Variants in EXPH5 observed in about 807,000 individuals in gnomAD.
The protein encoded by EXPH5 is exophilin-5.
EXPH5 carries 42 observed loss-of-function variants against 41.1 expected under a neutral mutation model. The ratio of observed to expected loss-of-function variants is 1.02; its 90% confidence interval spans 0.80 to 1.32. The LOEUF is 1.32. Ranked by LOEUF, EXPH5 falls within the 40% of genes most tolerant of loss-of-function variation. EXPH5 has a pLI of 0.00. For synonymous variants in EXPH5, 798 were observed against 833.5 expected (o/e 0.96, Z 0.73); for missense variants, 2,298 against 2,314.5 (o/e 0.99, Z 0.15).
rs529324863 is a variant in EXPH5, at chr11:108,571,242, C to T, written c.119+22176G>A. On this transcript the variant is annotated intron_variant, in intron 1 of 5. Coordinates refer to ENST00000265843, the MANE Select transcript of EXPH5 (RefSeq NM_015065.3). Reference sequence around the variant, plus strand: ...GGTAGAGGCAAAGCAATTACACAACCGTGGATAGACATGACCTAATTTATT... The same window carrying T: ...GGTAGAGGCAAAGCAATTACACAACTGTGGATAGACATGACCTAATTTATT... 2.6e-5 allele frequency among the ~76,000 whole-genome samples: 4 copies of T among 152,296 alleles called. 1 individual carries two copies. The South Asian group carries it at 8.3e-4, about 32-fold the overall frequency.
intron 1 of EXPH5, among the ~76,000 whole-genome samples, chr11:108,562,629 T>A (rs750246791): frequency 2.6e-5 from 4 of 151,032 alleles, no homozygotes; most frequent in Non-Finnish European, 4.4e-5. Flanking sequence ...AGAAAGAAAG[T>A]AAAATTACAT....
chr11:108,592,076 G>A (rs897116219), intron 1 of EXPH5, among the ~76,000 whole-genome samples: 2 of 152,162 alleles, frequency 1.3e-5, no homozygotes, highest in African/African-American at 4.8e-5. Flanking sequence ...TGCCTTGTGC[G>A]GTGCATGTGC....
At chr11:108,517,388 T>C (rs1355376136) in intron 5 of EXPH5, among the ~76,000 whole-genome samples, 2 of 152,226 alleles carry the variant, frequency 1.3e-5, no homozygotes, top group Non-Finnish European at 2.9e-5. Flanking sequence ...GGCCCCTACG[T>C]TGACTGTCCA....
At chr11:108,578,796 TG>T (rs1284212682) in intron 1 of EXPH5, among the ~76,000 whole-genome samples, 1 of 152,226 alleles carries the variant, frequency 6.6e-6, no homozygotes, top group Non-Finnish European at 1.5e-5. Flanking sequence ...TAAATGAGAT[TG>T]TTTTTTAGAT....
intron 1 of EXPH5, among the ~76,000 whole-genome samples, chr11:108,583,747 T>C (rs2094105579): frequency 6.6e-6 from 1 of 152,056 alleles, no homozygotes. Context: ...AAGACAGTGC[T>C]CAGCAACAAA....
chr11:108,544,189 A>G (rs1224935236), intron 1 of EXPH5, among the ~76,000 whole-genome samples: 1 of 151,944 alleles, frequency 6.6e-6, no homozygotes, highest in Non-Finnish European at 1.5e-5. Flanking sequence ...ATTTTTATTT[A>G]TTTCTGCATT....
chr11:108,532,375 T>C (rs1367702315), intron 3 of EXPH5, among the ~76,000 whole-genome samples: 1 of 73,632 alleles, frequency 1.4e-5, no homozygotes, highest in Non-Finnish European at 2.4e-5. Context: ...TATTTTTTTT[T>C]TTTTTTTTTT....
chr11:108,511,519 T>C lies in EXPH5; in HGVS notation c.3988A>G (p.Thr1330Ala), dbSNP rs765305426. 8.7e-6 allele frequency: 14 copies of C among 1,601,208 alleles called. No homozygotes were observed. In the African/African-American group the frequency reaches 1.5e-4, roughly 17 times the overall value. ...CCCCTATTTGATAATCGGAAGGCAG[T>C]CATATTTTCAGTGGTGAGCGTCTGA... is the stretch of plus-strand genomic sequence containing the variant. ...SDQTLTTENM[T>A]AFRLSNRGPL... Residue 1330 changes from threonine (T) to alanine (A), a missense_variant, in exon 6 of 6, where the codon ACT becomes GCT. Coordinates refer to ENST00000265843, the MANE Select transcript of EXPH5 (RefSeq NM_015065.3).
At chr11:108,604,638 T>C in the EXPH5 span, among the ~76,000 whole-genome samples, 2 of 152,016 alleles carry the variant, frequency 1.3e-5, no homozygotes, top group Non-Finnish European at 2.9e-5. Flanking sequence ...GGGAAGTCAA[T>C]GGGAATGTGG....
At chr11:108,541,162 C>T (rs568844757) in intron 2 of EXPH5, among the ~76,000 whole-genome samples, 1 of 152,284 alleles carries the variant, frequency 6.6e-6, no homozygotes, top group East Asian at 1.9e-4. Flanking sequence ...GCCTCTGCCT[C>T]CCAAAGTGCT....
chr11:108,562,330 C>T (rs1447900017), intron 1 of EXPH5, among the ~76,000 whole-genome samples: 1 of 145,948 alleles, frequency 6.9e-6, no homozygotes, highest in Non-Finnish European at 1.5e-5. Context: ...GGGTGGCTCA[C>T]GCCTATAATC....
intron 2 of EXPH5, among the ~76,000 whole-genome samples, chr11:108,539,784 CATG>C (rs72319371): frequency 0.021 from 3,121 of 152,196 alleles, 101 homozygotes; most frequent in African/African-American, 0.069. Flanking sequence ...TGAGCACCAA[CATG>C]ATGCTTAAAG....
intron 1 of EXPH5, among the ~76,000 whole-genome samples, chr11:108,543,490 G>A (rs757470496): frequency 3.9e-5 from 6 of 152,176 alleles, no homozygotes; most frequent in Non-Finnish European, 5.9e-5. Flanking sequence ...AGTTAGGCAT[G>A]TTGTTGGGTT....
intron 1 of EXPH5, among the ~76,000 whole-genome samples, chr11:108,578,987 C>G (rs981812630): frequency 3.9e-4 from 59 of 152,214 alleles, no homozygotes; most frequent in African/African-American, 1.4e-3. Flanking sequence ...AATTTGGATG[C>G]CCTTTATTTC....
At chr11:108,520,761 G>A (rs375144080) in intron 4 of EXPH5, among the ~76,000 whole-genome samples, 2 of 151,950 alleles carry the variant, frequency 1.3e-5, no homozygotes, top group East Asian at 3.9e-4. Context: ...TAGAGATGGG[G>A]TTCCACCCTA....
At chr11:108,540,614 G>T (rs1269300756) in intron 2 of EXPH5, among the ~76,000 whole-genome samples, 1 of 152,078 alleles carries the variant, frequency 6.6e-6, no homozygotes, top group Non-Finnish European at 1.5e-5. Context: ...TCAGTAAAAA[G>T]ATATTTTATT....
intron 1 of EXPH5, among the ~76,000 whole-genome samples, chr11:108,555,862 T>C (rs1358985887): frequency 2.0e-5 from 3 of 152,160 alleles, no homozygotes; most frequent in Non-Finnish European, 4.4e-5. Flanking sequence ...CATGCGTAAC[T>C]GTGAGTCAAT....
At chr11:108,540,966 A>C (rs898502689) in intron 2 of EXPH5, among the ~76,000 whole-genome samples, 1 of 151,812 alleles carries the variant, frequency 6.6e-6, no homozygotes, top group Non-Finnish European at 1.5e-5. Context: ...GTGCAGTGGC[A>C]TGATCTCAGC....
intron 4 of EXPH5, among the ~76,000 whole-genome samples, chr11:108,527,000 T>C (rs1591691472): frequency 6.6e-6 from 1 of 152,038 alleles, no homozygotes; most frequent in East Asian, 1.9e-4. Context: ...CTCAGTGTTA[T>C]CACCCAGAAA....
Sources: gnomAD v4.1 joint callset for allele counts (sites outside exome capture counted in the v4.1 genomes callset) on GRCh38, gnomAD v4.1.1 for gene constraint, MANE v1.5 for transcripts, NCBI Gene and HGNC (gene_info 2026-07-23, HGNC 2026-07-21) for gene names.